KCNAB1: variants seen among roughly 807,000 people sequenced by gnomAD.
KCNAB1 encodes potassium voltage-gated channel subfamily A regulatory beta subunit 1.
A neutral mutation model predicts 64.6 loss-of-function variants in KCNAB1; 35 were observed. The ratio of observed to expected loss-of-function variants is 0.54; its 90% CI spans 0.41 to 0.72. KCNAB1 has a LOEUF of 0.72. Among genes scored for constraint, KCNAB1 ranks in the 30% least tolerant of loss-of-function variants. KCNAB1 has a pLI of 0.00. For synonymous variants in KCNAB1, 177 were observed against 183.8 expected, an observed-to-expected ratio of 0.96 and a Z score of 0.30; for missense variants, 401 against 512.9, an observed-to-expected ratio of 0.78 and a Z score of 2.11.
At chr3:156,387,022 T>C (rs1170456701) in intron 1 of KCNAB1, among the ~76,000 whole-genome samples, 1 of 148,242 alleles carries the variant, frequency 6.7e-6, no homozygotes, top group Non-Finnish European at 1.5e-5. Context: ...CTCTTTTTTT[T>C]TTTTTTTTTT....
chr3:156,373,341 T>G (rs1726445978), intron 1 of KCNAB1, among the ~76,000 whole-genome samples: 1 of 152,238 alleles, frequency 6.6e-6, no homozygotes. Context: ...TAGACAGATT[T>G]AATCACTCTT....
In KCNAB1 at chr3:156,191,762, G is replaced by A. The variant is rs754410746; in HGVS notation, c.275+70876G>A. On this transcript the variant is annotated intron_variant, in intron 1 of 13. Transcript: ENST00000490337. ...GCTACTGATGACATTTGCTTTTGCC[G>A]CATTTTTACCCCTCAATTTGCTTGT... Among the ~76,000 whole-genome samples the A allele has an allele frequency of 5.9e-5, 9 of 152,184 alleles. No individual in the cohort carries two copies. In the East Asian group the frequency reaches 7.7e-4, roughly 13 times the overall value.
upstream of KCNAB1, among the ~76,000 whole-genome samples, chr3:156,119,212 T>C (rs1713213285): frequency 6.6e-6 from 1 of 152,114 alleles, no homozygotes; most frequent in African/African-American, 2.4e-5. Flanking sequence ...GACAGTGGAC[T>C]AAGGGCAAGT....
At chr3:156,282,227 A>G (rs1444129944) in intron 1 of KCNAB1, among the ~76,000 whole-genome samples, 10 of 149,148 alleles carry the variant, frequency 6.7e-5, no homozygotes, top group Non-Finnish European at 1.3e-4. Context: ...TTATGTACCC[A>G]GTAGTCATTC....
intron 1 of KCNAB1, among the ~76,000 whole-genome samples, chr3:156,395,206 TAATC>T (rs1199256258): frequency 3.9e-5 from 6 of 152,272 alleles, no homozygotes; most frequent in Admixed American, 1.3e-4. Flanking sequence ...CTTGTGTACT[TAATC>T]AATAAATTTT....
At chr3:156,230,831 A>G (rs924732518) in intron 1 of KCNAB1, among the ~76,000 whole-genome samples, 4 of 152,354 alleles carry the variant, frequency 2.6e-5, no homozygotes, top group South Asian at 2.1e-4. Flanking sequence ...TTCTGTGTGT[A>G]TATATCAGTA....
chr3:156,414,072 C>T (rs771381622), intron 1 of KCNAB1, among the ~76,000 whole-genome samples: 21 of 152,334 alleles, frequency 1.4e-4, no homozygotes, highest in Non-Finnish European at 2.6e-4. Context: ...CAGTCAGGCT[C>T]ATTCCTCAGT....
chr3:156,451,092 T>C (rs1711970015), intron 2 of KCNAB1, among the ~76,000 whole-genome samples: 1 of 152,218 alleles, frequency 6.6e-6, no homozygotes. Context: ...GCTGTCTACC[T>C]GGTGAGGACA....
chr3:156,408,421 A>C (rs969017957), intron 1 of KCNAB1, among the ~76,000 whole-genome samples: 1 of 152,202 alleles, frequency 6.6e-6, no homozygotes, highest in Non-Finnish European at 1.5e-5. Context: ...TCTTGTGGAT[A>C]AAATGGGAAC....
chr3:156,420,460 T>C (rs1319455337), intron 1 of KCNAB1, among the ~76,000 whole-genome samples: 2 of 152,192 alleles, frequency 1.3e-5, no homozygotes, highest in Non-Finnish European at 2.9e-5. Flanking sequence ...AGGAAAAACA[T>C]GTGATGCAAA....
rs530463821 is a variant in KCNAB1 at position 156,404,197 on chromosome 3, T to G, written c.276-17419T>G. On this transcript the variant is annotated intron_variant, in intron 1 of 13. Transcript: ENST00000490337. ...TTTTTGGCCTGAATTTGAGTGAAGGTCTCAAAGCACAATGACTGCATAATA... is the reference window on the plus strand; with the variant it reads ...TTTTTGGCCTGAATTTGAGTGAAGGGCTCAAAGCACAATGACTGCATAATA... 3.0e-4 allele frequency among the ~76,000 whole-genome samples: 46 copies of G among 152,320 alleles called. 2 individuals are homozygous for G. Among genetic ancestry groups the G allele is most frequent in the African/African-American group, 1.0e-3 (42 of 41,566 alleles).
chr3:156,514,764 C>A (rs1253840021), intron 9 of KCNAB1, among the ~76,000 whole-genome samples: 1 of 152,212 alleles, frequency 6.6e-6, no homozygotes, highest in African/African-American at 2.4e-5. Context: ...AAGCTAATTA[C>A]AGATACTTTT....
chr3:156,415,564 C>G (rs1714994225), intron 1 of KCNAB1, among the ~76,000 whole-genome samples: 1 of 152,152 alleles, frequency 6.6e-6, no homozygotes, highest in South Asian at 2.1e-4. Flanking sequence ...TTCTCCACCC[C>G]ACTCGCTGCG....
In KCNAB1 at chr3:156,421,603, GT is replaced by G. The variant is rs746948694; in HGVS notation, c.276-8del. Reference sequence around the variant, plus strand: ...GGAAATGATGACCAAGTGTTGCTTTGTTTTTATTATAGGAATCTTGGAAAAT... The same window carrying G: ...GGAAATGATGACCAAGTGTTGCTTTGTTTTATTATAGGAATCTTGGAAAAT... On this transcript the variant is annotated splice_polypyrimidine_tract_variant and intron_variant, in intron 1 of 13. Transcript: ENST00000490337. The G allele has an allele frequency of 1.2e-5, 20 of 1,613,416 alleles. No individual in the cohort carries two copies. The highest frequency in any genetic ancestry group is 1.7e-5 in the Non-Finnish European group (20 of 1,179,522).
chr3:156,274,554 T>C (rs983400515), intron 1 of KCNAB1, among the ~76,000 whole-genome samples: 6 of 152,152 alleles, frequency 3.9e-5, no homozygotes, highest in Non-Finnish European at 8.8e-5. Context: ...AAAATCTTAA[T>C]GACAGATTTG....
chr3:156,129,335 G>A (rs1213347040), intron 1 of KCNAB1, among the ~76,000 whole-genome samples: 1 of 152,144 alleles, frequency 6.6e-6, no homozygotes, highest in African/African-American at 2.4e-5. Flanking sequence ...TCTGGGGTGT[G>A]GTGATATCAT....
chr3:156,459,805 C>A, intron 4 of KCNAB1, 22 bp from the exon 5 acceptor site: 1 of 1,588,030 alleles, frequency 6.3e-7, no homozygotes, highest in African/African-American at 1.4e-5. Flanking sequence ...CATTCTAAGA[C>A]ATTATCTGTT....
At position 156,497,793 on chromosome 3, in the gene KCNAB1, C is replaced by A. The variant is rs1485152504; in HGVS notation, c.659-16571C>A. Among the ~76,000 whole-genome samples the A allele has an allele frequency of 2.0e-4, 30 of 152,186 alleles. 1 individual carries two copies. The highest frequency in any genetic ancestry group is 1.8e-4 in the Non-Finnish European group (12 of 68,024). Reference sequence around the variant, plus strand: ...CTCAATGAACATTAGGAAAACTATTCTTAGTGAGTATGTTGCCTAATACAT... The same window carrying A: ...CTCAATGAACATTAGGAAAACTATTATTAGTGAGTATGTTGCCTAATACAT... On this transcript the variant is annotated intron_variant, in intron 8 of 13. Transcript: ENST00000490337.
chr3:156,463,735 C>T lies in KCNAB1; in HGVS notation c.516C>T (p.Tyr172=), dbSNP rs1207339752. The T allele has an allele frequency of 6.2e-7, 1 of 1,604,290 alleles. No homozygotes were observed. The highest frequency in any genetic ancestry group is 8.5e-7 in the Non-Finnish European group (1 of 1,176,822). Residue 172 remains tyrosine, a synonymous_variant, in exon 6 of 14, where the codon TAC becomes TAT. Coordinates refer to ENST00000490337, the MANE Select transcript of KCNAB1 (RefSeq NM_172160.3). Reference sequence around the variant, plus strand: ...GTCTGGTCATAACAACCAAACTCTACTGGGGTGGAAAGTAAGTTATTTTTC... The same window carrying T: ...GTCTGGTCATAACAACCAAACTCTATTGGGGTGGAAAGTAAGTTATTTTTC... ...RSSLVITTKL[Y]WGGKAETERG... is the part of the protein sequence containing the mutation.
Sources: gnomAD v4.1 joint callset for allele counts (sites outside exome capture counted in the v4.1 genomes callset) on GRCh38, gnomAD v4.1.1 for gene constraint, MANE v1.5 for transcripts, NCBI Gene and HGNC (gene_info 2026-07-23, HGNC 2026-07-21) for gene names.